Variants in ABCB9 observed in about 807,000 individuals in gnomAD.
The protein encoded by ABCB9 is ABC-type oligopeptide transporter ABCB9.
A neutral mutation model predicts 62.0 loss-of-function variants in ABCB9; 36 were observed. That is an observed-to-expected ratio of 0.58 (90% CI 0.45 to 0.77). The LOEUF is 0.77. Among genes scored for constraint, ABCB9 ranks in the 30% least tolerant of loss-of-function variants. ABCB9 has a pLI of 0.00. For missense variants in ABCB9, 943 were observed against 1,054.7 expected (o/e 0.89, Z 1.47); for synonymous variants, 435 against 461.4 (o/e 0.94, Z 0.73).
In ABCB9 at chr12:122,959,700, G is replaced by C. The variant is rs2036788308; in HGVS notation, c.536C>G (p.Ser179Cys). 1 of 1,608,414 alleles carries C rather than the reference G, an allele frequency of 6.2e-7. No individual in the cohort carries two copies. The highest frequency in any genetic ancestry group is 8.5e-7 in the Non-Finnish European group (1 of 1,176,444). Residue 179 changes from serine to cysteine, a missense_variant, in exon 2 of 12, where the codon TCC (serine) becomes TGC (cysteine). Transcript: ENST00000280560. The surrounding 1 kb of genome is among the most constrained non-coding windows in gnomAD (Gnocchi z 5.4). Reference protein sequence around the residue: ...ASGATLQKLLSYTKPDVAFLV... With the variant: ...ASGATLQKLLCYTKPDVAFLV... ...GAAGGCCACGTCGGGCTTGGTGTAGGAGAGCAGCTTCTGCAGCGTGGCCCC... is the reference window on the plus strand; with the variant it reads ...GAAGGCCACGTCGGGCTTGGTGTAGCAGAGCAGCTTCTGCAGCGTGGCCCC...
At chr12:122,973,573 AAAAAG>A (rs2037315844) in intron 1 of ABCB9, among the ~76,000 whole-genome samples, 1 of 124,646 alleles carries the variant, frequency 8.0e-6, no homozygotes, top group African/African-American at 3.7e-5. Flanking sequence ...TCCGTCTCAA[AAAAAG>A]AAAAAAAAAA....
intron 2 of ABCB9, among the ~76,000 whole-genome samples, chr12:122,958,169 C>CA (rs34917345): frequency 0.71 from 51,644 of 72,598 alleles, 18,743 homozygotes; most frequent in East Asian, 0.89. Flanking sequence ...GACTCCATCT[C>CA]AAAAAAAAAA....
chr12:122,929,022 C>A lies in ABCB9; in HGVS notation c.*889G>T, dbSNP rs980762665. 13 of 985,804 alleles carry A rather than the reference C, an allele frequency of 1.3e-5. No individual in the cohort carries two copies. The highest frequency in any genetic ancestry group is 1.7e-5 in the African/African-American group (1 of 57,232). 61.1% of individuals were successfully genotyped at this position (985,804 alleles called of 1,614,324 possible). A position where few individuals can be genotyped will look rare whatever the true frequency, so the allele number is the denominator to read the frequency against. On this transcript the variant is annotated 3_prime_UTR_variant, in exon 12 of 12. Coordinates refer to ENST00000280560, the MANE Select transcript of ABCB9 (RefSeq NM_019625.4). The surrounding 1 kb of genome is among the most constrained non-coding windows in gnomAD (Gnocchi z 6.0). ...GGTAAGAGGTAGTACACTTTATTGA[C>A]CGGGTTCTCTCAACATGTTGCAACC...
chr12:122,930,114 G>A lies in ABCB9; in HGVS notation c.2098C>T (p.Arg700Trp), dbSNP rs751711542. The A allele has an allele frequency of 8.4e-6, 13 of 1,555,260 alleles. No homozygotes were observed. The highest frequency in any genetic ancestry group is 7.8e-5 in the Admixed American group (4 of 51,326). Residue 700 changes from arginine to tryptophan, a missense_variant, in exon 12 of 12, where the codon CGG becomes TGG. Transcript: ENST00000280560. This position sits in a 1 kb window ranked among gnomAD's most constrained non-coding sequence, Gnocchi z 4.9. ...QKHTVLIIAH[R>W]LSTVEHAHLI... ...TGCGCGTGCTCCACGGTGCTCAGCC[G>A]GTGCGCGATGATGAGTACCGTGTGC...
In ABCB9 at chr12:122,932,284, G is replaced by A. The variant is rs767434972; in HGVS notation, c.1948C>T (p.Arg650Trp). ...GAQLSGGQKQ[R>W]VAMARALVRN... ...ACCAGAGCCCGGGCCATGGCCACCC[G>A]CTGCTTCTGGCCACCTGACAGCTGG... The change falls in exon 11 of 12, where the codon CGG becomes TGG. Residue 650 changes from arginine (R) to tryptophan (W), a missense_variant. Coordinates refer to ENST00000280560, the MANE Select transcript of ABCB9 (RefSeq NM_019625.4). The surrounding 1 kb of genome is among the most constrained non-coding windows in gnomAD (Gnocchi z 4.7). 3.2e-6 allele frequency: 5 copies of A among 1,551,304 alleles called. No individual in the cohort carries two copies. The highest frequency in any genetic ancestry group is 2.0e-5 in the Admixed American group (1 of 51,020).
intron 9 of ABCB9, among the ~76,000 whole-genome samples, chr12:122,937,612 C>T (rs184682956): frequency 2.9e-4 from 44 of 152,298 alleles, no homozygotes; most frequent in African/African-American, 1.0e-3. Context: ...GGGGGCTCTT[C>T]TAAAACTTTG....
intron 7 of ABCB9, among the ~76,000 whole-genome samples, chr12:122,942,353 G>A (rs1012071712): frequency 3.3e-5 from 5 of 151,848 alleles, no homozygotes; most frequent in Non-Finnish European, 7.4e-5. Context: ...TTTGGGAGGC[G>A]GAGGCAGGCG....
intron 2 of ABCB9, among the ~76,000 whole-genome samples, chr12:122,955,715 GTTTT>G (rs1345508865): frequency 1.4e-5 from 2 of 141,922 alleles, no homozygotes; most frequent in Non-Finnish European, 1.6e-5. Flanking sequence ...TTGTTTTTTT[GTTTT>G]TTTTTTTTTT....
In ABCB9 at chr12:122,960,204, A is replaced by G. The variant is rs770352639; in HGVS notation, c.32T>C (p.Leu11Ser). The G allele has an allele frequency of 6.2e-7, 1 of 1,612,932 alleles. No individual in the cohort carries two copies. Among genetic ancestry groups the G allele is most frequent in the Non-Finnish European group, 8.5e-7 (1 of 1,179,704 alleles). Residue 11 changes from leucine to serine, a missense_variant, in exon 2 of 12, where the codon TTG becomes TCG. Physicochemically the swap from Leu to Ser is moderately radical, Grantham distance 145 (BLOSUM62 -2). Transcript: ENST00000280560. MRLWKAVVVTLAFMSVDICVT... is the reference protein window; with the variant it reads MRLWKAVVVTSAFMSVDICVT... ...GCAGATGTCCACACTCATGAAGGCC[A>G]AAGTCACCACCACCGCCTTCCACAG...
intron 2 of ABCB9, chr12:122,950,833 CCTGCAGGATG>C (rs2036327975): frequency 5.1e-6 from 2 of 394,984 alleles, no homozygotes; most frequent in Non-Finnish European, 9.4e-6. Context: ...AGCCAGGGCT[CCTGCAGGATG>C]CTTCATTCTC....
Position 122,959,666 on chromosome 12 carries a change from G to T in ABCB9, c.570C>A (p.Ala190=), listed in dbSNP as rs760810709. The T allele has an allele frequency of 6.3e-7, 1 of 1,576,490 alleles. No individual in the cohort carries two copies. Among genetic ancestry groups the T allele is most frequent in the Non-Finnish European group, 8.7e-7 (1 of 1,156,028 alleles). ...YTKPDVAFLV[A]ASFFLIVAAL... ...CTGCCACGATGAGGAAGAAGGAGGC[G>T]GCCACGAGGAAGGCCACGTCGGGCT... is the stretch of plus-strand genomic sequence containing the variant. Residue 190 remains alanine (A), a synonymous_variant, in exon 2 of 12, where the codon GCC becomes GCA. Transcript: ENST00000280560. This position sits in a 1 kb window ranked among gnomAD's most constrained non-coding sequence, Gnocchi z 5.4.
chr12:122,937,014 T>C (rs911115650), intron 9 of ABCB9, among the ~76,000 whole-genome samples: 1 of 151,716 alleles, frequency 6.6e-6, no homozygotes, highest in Non-Finnish European at 1.5e-5. Context: ...CAGTGAACCA[T>C]GATCACACCA....
At chr12:122,925,238 A>C (rs2034863540), downstream of ABCB9, among the ~76,000 whole-genome samples, 1 of 152,122 alleles carries the variant, frequency 6.6e-6, no homozygotes, top group Non-Finnish European at 1.5e-5. Flanking sequence ...GTGATAATTA[A>C]AAACAAAAAC....
chr12:122,947,894 A>G lies in ABCB9; in HGVS notation c.1053+730T>C, dbSNP rs73408863. On this transcript the variant is annotated intron_variant, in intron 5 of 11. Coordinates refer to ENST00000280560, the MANE Select transcript of ABCB9 (RefSeq NM_019625.4). This position sits in a 1 kb window ranked among gnomAD's most constrained non-coding sequence, Gnocchi z 6.0. ...AGATGCCCGCCTCCTTCAGACCCTT[A>G]TTCAGATGTCCCCTTCTCAGCAAGA... 0.056 allele frequency: 8,657 copies of G among 155,150 alleles called. 576 individuals are homozygous for G. The highest frequency in any genetic ancestry group is 0.16 in the African/African-American group (6,524 of 41,648). 9.6% of individuals were successfully genotyped at this position (155,150 alleles called of 1,614,324 possible).
Position 122,959,564 on chromosome 12 carries a change from A to T in ABCB9, c.601+71T>A. 1 of 1,505,508 alleles carries T rather than the reference A, an allele frequency of 6.6e-7. No individual in the cohort carries two copies. Among genetic ancestry groups the T allele is most frequent in the Admixed American group, 2.3e-5 (1 of 43,686 alleles). The allele number at this position is 1,505,508 out of a possible 1,614,324, so 93.3% of individuals were successfully genotyped here. On this transcript the variant is annotated intron_variant, in intron 2 of 11. Coordinates refer to ENST00000280560, the MANE Select transcript of ABCB9 (RefSeq NM_019625.4). This position sits in a 1 kb window ranked among gnomAD's most constrained non-coding sequence, Gnocchi z 5.4. ...CTGAACCACGTAAGTAAAATCTTTT[A>T]AAATCTAAGGCAGTCATATCCACCT...
At chr12:122,921,636 G>A (rs1454696369) in intron 11 of ABCB9, among the ~76,000 whole-genome samples, 3 of 152,062 alleles carry the variant, frequency 2.0e-5, no homozygotes, top group African/African-American at 7.2e-5. Flanking sequence ...AATCAGCTGG[G>A]TGTGGTGGCA....
chr12:122,954,240 C>T (rs1295576434), intron 2 of ABCB9, among the ~76,000 whole-genome samples: 1 of 151,808 alleles, frequency 6.6e-6, no homozygotes, highest in African/African-American at 2.4e-5. Flanking sequence ...CGGAGTTTCA[C>T]TCTTGTTGCC....
rs748148265 is a variant in ABCB9, at chr12:122,960,082, C to G, written c.154G>C (p.Ala52Pro). 1 of 1,613,464 alleles carries G rather than the reference C, an allele frequency of 6.2e-7. No individual in the cohort carries two copies. The highest frequency in any genetic ancestry group is 8.5e-7 in the Non-Finnish European group (1 of 1,180,044). Residue 52 changes from alanine (A) to proline (P), a missense_variant, in exon 2 of 12, where the codon GCA becomes CCA. Transcript: ENST00000280560. The part of the protein sequence containing the change: ...NIFDSVLDLW[A>P]ACLYRSCLLL... The stretch of plus-strand genomic sequence containing the variant: ...AGGCAGCTGCGGTACAGGCAGGCTG[C>G]CCAGAGATCCAGCACCGAGTCAAAG...
intron 4 of ABCB9, 147 bp downstream of exon 4, chr12:122,949,641 C>T: frequency 9.0e-7 from 1 of 1,115,360 alleles, no homozygotes; most frequent in Non-Finnish European, 1.3e-6. Flanking sequence ...CAGGCCAAGC[C>T]CAGGGTGTTC....
Sources: gnomAD v4.1 joint callset for allele counts (sites outside exome capture counted in the v4.1 genomes callset) on GRCh38, gnomAD v4.1.1 for gene constraint, Gnocchi (gnomAD v3.1) non-coding constraint, MANE v1.5 for transcripts, NCBI Gene and HGNC (gene_info 2026-07-23, HGNC 2026-07-21) for gene names.